The following LUC7L3 variants were observed in gnomAD, a reference collection of about 807,000 sequenced individuals.
The protein encoded by LUC7L3 is LUC7 like 3 pre-mRNA splicing factor, also known as luc7-like protein 3.
Under a neutral mutation model 66.8 loss-of-function variants are expected in LUC7L3, and 6 were observed. The ratio of observed to expected loss-of-function variants is 0.09; its 90% confidence interval spans 0.05 to 0.18. LUC7L3 has a LOEUF of 0.18. Among genes scored for constraint, LUC7L3 ranks in the 10% least tolerant of loss-of-function variants. LUC7L3 has a pLI of 1.00. For missense variants in LUC7L3, 341 were observed against 531.1 expected, an observed-to-expected ratio of 0.64 and a Z score of 3.52; for synonymous variants, 160 against 174.7, an observed-to-expected ratio of 0.92 and a Z score of 0.66.
chr17:50,739,703 C>T (rs1597922009), intron 2 of LUC7L3, among the ~76,000 whole-genome samples: 2 of 152,268 alleles, frequency 1.3e-5, no homozygotes, highest in South Asian at 4.1e-4. Context: ...AGAAGTGTCT[C>T]ATAATGAGCC....
chr17:50,730,513 C>CAAAAAAAAAAAAAAAAAAAAAAA (rs3063109), intron 1 of LUC7L3, among the ~76,000 whole-genome samples: 21 of 59,090 alleles, frequency 3.6e-4, no homozygotes, highest in African/African-American at 6.8e-4. Context: ...ACTCTGTCTC[C>CAAAAAAAAAAAAAAAAAAAAAAA]AAAAAAAAAA....
chr17:50,725,410 C>CAAAAAAAAAAAAAAAAAA (rs999500638), intron 1 of LUC7L3, among the ~76,000 whole-genome samples: 2 of 148,228 alleles, frequency 1.3e-5, no homozygotes, highest in African/African-American at 5.0e-5. Flanking sequence ...GACTCCATTT[C>CAAAAAAAAAAAAAAAAAA]AAAAAAAAAA....
chr17:50,754,642 A>G lies in LUC7L3; in HGVS notation c.*3981A>G, dbSNP rs980124591. 7.2e-5 allele frequency: 11 copies of G among 152,094 alleles called. No individual in the cohort carries two copies. Among genetic ancestry groups the G allele is most frequent in the Non-Finnish European group, 1.3e-4 (9 of 68,006 alleles). The allele number at this position is 152,094 out of a possible 1,614,324, so 9.4% of individuals were successfully genotyped here. ...ATACATATCATGCTCCTTTTTGTTA[A>G]AACGTTTTTTTTTCCCCTTCAAACA... On this transcript the variant is annotated 3_prime_UTR_variant, in exon 10 of 10. Coordinates refer to ENST00000505658, the MANE Select transcript of LUC7L3 (RefSeq NM_016424.5).
At chr17:50,735,248 A>AAAAG (rs71300605) in intron 1 of LUC7L3, among the ~76,000 whole-genome samples, 92,792 of 147,726 alleles carry the variant, frequency 0.63, 30,893 homozygotes, top group African/African-American at 0.85. Context: ...AAAAAAAAGA[A>AAAAG]AAAAAAAACT....
intron 8 of LUC7L3, 125 bp downstream of exon 8, chr17:50,746,128 G>C: frequency 7.4e-7 from 1 of 1,356,134 alleles, no homozygotes; most frequent in Non-Finnish European, 9.6e-7. Flanking sequence ...TGATAGGATG[G>C]GTTGCGAGAG....
At chr17:50,745,672 A>G (rs956454957) in intron 7 of LUC7L3, 48 bp from the exon 8 acceptor site, 5 of 1,471,124 alleles carry the variant, frequency 3.4e-6, no homozygotes, top group South Asian at 1.3e-5. Context: ...ATTGTTTAAC[A>G]ATGCTTTAAA....
rs946256907 is a variant in LUC7L3 at position 50,755,710 on chromosome 17, C to T, written c.*5049C>T. ...AACCTCTCTCGTAGCCATTCATTCC[C>T]GGATACATACCCTAGAGAAACTCTT... On this transcript the variant is annotated 3_prime_UTR_variant, in exon 10 of 10. Transcript: ENST00000505658. 9.2e-5 allele frequency: 14 copies of T among 152,122 alleles called. No homozygotes were observed. Among genetic ancestry groups the T allele is most frequent in the South Asian group, 2.1e-4 (1 of 4,828 alleles). 9.4% of individuals were successfully genotyped at this position (152,122 alleles called of 1,614,324 possible).
intron 1 of LUC7L3, among the ~76,000 whole-genome samples, chr17:50,730,670 G>A (rs1969545040): frequency 6.6e-6 from 1 of 152,166 alleles, no homozygotes; most frequent in African/African-American, 2.4e-5. Context: ...GCCTGGTGCT[G>A]TGGCTCATGC....
intron 1 of LUC7L3, among the ~76,000 whole-genome samples, chr17:50,724,433 A>G (rs1206073988): frequency 3.3e-5 from 5 of 151,968 alleles, no homozygotes; most frequent in African/African-American, 1.2e-4. Flanking sequence ...AGGCAGGAGG[A>G]TCCTTTCAAC....
In LUC7L3 at chr17:50,752,396, T is replaced by C. The variant is rs1597950446; in HGVS notation, c.*1735T>C. On this transcript the variant is annotated 3_prime_UTR_variant, in exon 10 of 10. Transcript: ENST00000505658. Reference sequence around the variant, plus strand: ...CAGATTTCAGAACATGTGTTAATAGTATATATGCCACTGAAAACTTAGGTC... The same window carrying C: ...CAGATTTCAGAACATGTGTTAATAGCATATATGCCACTGAAAACTTAGGTC... The C allele has an allele frequency of 3.4e-6, 1 of 293,384 alleles. No individual in the cohort carries two copies. Among genetic ancestry groups the C allele is most frequent in the East Asian group, 1.2e-4 (1 of 8,460 alleles). The allele number at this position is 293,384 out of a possible 1,614,324, so 18.2% of individuals were successfully genotyped here. A position where few individuals can be genotyped will look rare whatever the true frequency, so the allele number is the denominator to read the frequency against.
At chr17:50,749,172 A>T (rs1287241878) in intron 9 of LUC7L3, 1 of 1,277,882 alleles carries the variant, frequency 7.8e-7, no homozygotes, top group African/African-American at 1.5e-5. Flanking sequence ...ATCCACCACA[A>T]ATTGTGGATG....
rs1266103845 is a variant in LUC7L3 at position 50,752,205 on chromosome 17, C to T, written c.*1544C>T. 1.6e-6 allele frequency: 2 copies of T among 1,284,532 alleles called. No individual in the cohort carries two copies. The highest frequency in any genetic ancestry group is 1.0e-6 in the Non-Finnish European group (1 of 986,506). 79.6% of individuals were successfully genotyped at this position (1,284,532 alleles called of 1,614,324 possible). Reference sequence around the variant, plus strand: ...CCCCAAATTTTGCGTTGTAGGACTACTGTTCGAAGATTTTTGGAAGAATAC... The same window carrying T: ...CCCCAAATTTTGCGTTGTAGGACTATTGTTCGAAGATTTTTGGAAGAATAC... On this transcript the variant is annotated 3_prime_UTR_variant, in exon 10 of 10. Transcript: ENST00000505658.
At chr17:50,739,960 G>A (rs776075479) in intron 2 of LUC7L3, among the ~76,000 whole-genome samples, 3 of 152,250 alleles carry the variant, frequency 2.0e-5, no homozygotes, top group Admixed American at 6.5e-5. Context: ...TAATAAAGTC[G>A]GCAATGGTTC....
chr17:50,741,613 T>C (rs1481263227), intron 4 of LUC7L3, 44 bp from the exon 5 acceptor site: 1 of 1,279,820 alleles, frequency 7.8e-7, no homozygotes, highest in Non-Finnish European at 1.1e-6. Flanking sequence ...CATGTTTATC[T>C]TTGTTTTCAA....
intron 1 of LUC7L3, among the ~76,000 whole-genome samples, chr17:50,728,460 G>A (rs1201200189): frequency 6.6e-6 from 1 of 150,568 alleles, no homozygotes; most frequent in Non-Finnish European, 1.5e-5. Context: ...GAACTCTTAG[G>A]TAAAAAAAAA....
At chr17:50,728,750 C>T (rs1028884688) in intron 1 of LUC7L3, among the ~76,000 whole-genome samples, 28 of 152,284 alleles carry the variant, frequency 1.8e-4, no homozygotes, top group Admixed American at 4.6e-4. Flanking sequence ...GACGGCGTTT[C>T]GCCATTTTGG....
rs964832692 is a variant in LUC7L3, at chr17:50,755,135, C to T, written c.*4474C>T. ...ATTTTTTAGTTGTTTGTGAAAGAAC[C>T]CCAGGTCTACTTTTGAAATTTTGTA... is the stretch of plus-strand genomic sequence containing the variant. On this transcript the variant is annotated 3_prime_UTR_variant, in exon 10 of 10. Coordinates refer to ENST00000505658, the MANE Select transcript of LUC7L3 (RefSeq NM_016424.5). 1 of 151,886 alleles carries T rather than the reference C, an allele frequency of 6.6e-6. No homozygotes were observed. Among genetic ancestry groups the T allele is most frequent in the African/African-American group, 2.4e-5 (1 of 41,342 alleles). 9.4% of individuals were successfully genotyped at this position (151,886 alleles called of 1,614,324 possible). A position where few individuals can be genotyped will look rare whatever the true frequency, so the allele number is the denominator to read the frequency against.
intron 1 of LUC7L3, among the ~76,000 whole-genome samples, chr17:50,729,196 G>C (rs1054158115): frequency 1.6e-5 from 2 of 128,074 alleles, no homozygotes; most frequent in African/African-American, 5.3e-5. Flanking sequence ...ATAAAAGCGA[G>C]GTAATTACCC....
At chr17:50,721,134 C>T (rs1968722416) in intron 1 of LUC7L3, among the ~76,000 whole-genome samples, 1 of 151,418 alleles carries the variant, frequency 6.6e-6, no homozygotes, top group African/African-American at 2.4e-5. Flanking sequence ...ACCTTTCAGT[C>T]TAAACTTTGC....
Sources: allele counts gnomAD v4.1 joint callset (sites outside exome capture counted in the v4.1 genomes callset), GRCh38; gene constraint gnomAD v4.1.1; transcripts MANE v1.5; gene names NCBI Gene and HGNC (gene_info 2026-07-23, HGNC 2026-07-21).